AMER3: variants seen among roughly 807,000 people sequenced by gnomAD.
AMER3 encodes the protein APC membrane recruitment protein 3.
For synonymous variants in AMER3, 541 were observed against 485.5 expected (o/e 1.11, Z -1.50); for missense variants, 1,201 against 1,139.4 (o/e 1.05, Z -0.78).
rs1320567619 is a variant in AMER3, at chr2:130,763,524, A to G, written c.1452A>G (p.Leu484=). The change falls in exon 2 of 2, where the codon CTA becomes CTG. Residue 484 remains leucine (L), a synonymous_variant. Coordinates refer to ENST00000321420, the MANE Select transcript of AMER3 (RefSeq NM_152698.3). ...PGPDLLSQGF[L]QSSWKGKECL... ...CTGACCTGCTCAGCCAGGGCTTCCT[A>G]CAGAGCTCCTGGAAGGGCAAGGAGT... is the stretch of plus-strand genomic sequence containing the variant. 6.2e-7 allele frequency: 1 copy of G among 1,612,450 alleles called. No individual in the cohort carries two copies. The highest frequency in any genetic ancestry group is 8.5e-7 in the Non-Finnish European group (1 of 1,179,780).
rs756510229 is a variant in AMER3 at position 130,762,394 on chromosome 2, A to T, written c.322A>T (p.Thr108Ser). Residue 108 changes from threonine to serine, a missense_variant, in exon 2 of 2, where the codon ACA (threonine) becomes TCA (serine). Coordinates refer to ENST00000321420, the MANE Select transcript of AMER3 (RefSeq NM_152698.3). Reference protein sequence around the residue: ...MSGAGRATAATGQLVGSASFP... With the variant: ...MSGAGRATAASGQLVGSASFP... Reference sequence around the variant, plus strand: ...TGGGGCAGGCAGGGCCACGGCTGCCACAGGGCAGCTGGTGGGCAGTGCAAG... The same window carrying T: ...TGGGGCAGGCAGGGCCACGGCTGCCTCAGGGCAGCTGGTGGGCAGTGCAAG... 1 of 1,611,950 alleles carries T rather than the reference A, an allele frequency of 6.2e-7. No individual in the cohort carries two copies.
Position 130,765,959 on chromosome 2 carries a change from C to T in AMER3, c.*1301C>T, listed in dbSNP as rs1318176401. ...GTCGAGTTCACACCCAAAATGAAGTCCACAGGTCCACCCCTTGTCAACTTG... is the reference window on the plus strand; with the variant it reads ...GTCGAGTTCACACCCAAAATGAAGTTCACAGGTCCACCCCTTGTCAACTTG... On this transcript the variant is annotated 3_prime_UTR_variant, in exon 2 of 2. Transcript: ENST00000321420. 6.0e-6 allele frequency: 1 copy of T among 167,072 alleles called. No homozygotes were observed. The highest frequency in any genetic ancestry group is 2.4e-5 in the African/African-American group (1 of 41,438). The allele number at this position is 167,072 out of a possible 1,614,324, so 10.3% of individuals were successfully genotyped here. A position where few individuals can be genotyped will look rare whatever the true frequency, so the allele number is the denominator to read the frequency against.
In AMER3 at chr2:130,763,702, C is replaced by T; in HGVS notation, c.1630C>T (p.Leu544=). 1 of 1,552,322 alleles carries T rather than the reference C, an allele frequency of 6.4e-7. No individual in the cohort carries two copies. The part of the protein sequence containing the change: ...QGAPRAPTEK[L]GGREGLASDA... ...AGCCCCTAGGGCACCCACAGAGAAG[C>T]TGGGGGGCAGGGAGGGCCTGGCCTC... The change falls in exon 2 of 2, where the codon CTG becomes TTG. Residue 544 remains leucine, a synonymous_variant. Coordinates refer to ENST00000321420, the MANE Select transcript of AMER3 (RefSeq NM_152698.3).
chr2:130,764,758 G>A lies in AMER3; in HGVS notation c.*100G>A. 1 of 1,345,748 alleles carries A rather than the reference G, an allele frequency of 7.4e-7. No individual in the cohort carries two copies. Among genetic ancestry groups the A allele is most frequent in the Non-Finnish European group, 1.0e-6 (1 of 1,003,264 alleles). 83.4% of individuals were successfully genotyped at this position (1,345,748 alleles called of 1,614,324 possible). On this transcript the variant is annotated 3_prime_UTR_variant, in exon 2 of 2. Coordinates refer to ENST00000321420, the MANE Select transcript of AMER3 (RefSeq NM_152698.3). ...ATCTTTTGTCCCTGATGTGGGGACT[G>A]TGTTGGGGGTGGGGGGTGGCAGGAC...
At position 130,762,084 on chromosome 2, in the gene AMER3, G is replaced by A. The variant is rs766452593; in HGVS notation, c.12G>A (p.Lys4=). 1 of 1,610,760 alleles carries A rather than the reference G, an allele frequency of 6.2e-7. No homozygotes were observed. Among genetic ancestry groups the A allele is most frequent in the Non-Finnish European group, 8.5e-7 (1 of 1,179,108 alleles). The change falls in exon 2 of 2, where the codon AAG becomes AAA. Residue 4 remains lysine, a synonymous_variant. Transcript: ENST00000321420. MEL[K]RGKTFIKSSL... ...GGGGCACTGGCAGCATGGAGCTGAA[G>A]AGAGGAAAGACCTTCATCAAGTCCA...
intron 1 of AMER3, among the ~76,000 whole-genome samples, chr2:130,758,911 G>A (rs1678698605): frequency 1.3e-5 from 2 of 152,276 alleles, no homozygotes; most frequent in South Asian, 4.1e-4. Flanking sequence ...GACAAGGCCA[G>A]CATCTGGCTG....
In AMER3 at chr2:130,763,220, G is replaced by A; in HGVS notation, c.1148G>A (p.Ser383Asn). The A allele has an allele frequency of 6.2e-7, 1 of 1,613,858 alleles. No homozygotes were observed. The highest frequency in any genetic ancestry group is 8.5e-7 in the Non-Finnish European group (1 of 1,180,018). ...GAGCAGCCCGAATCCGTGTCCACAA[G>A]TGACGAGGGCTACTATGATTCCTTC... ...KSEQPESVSTSDEGYYDSFSP... is the reference protein window; with the variant it reads ...KSEQPESVSTNDEGYYDSFSP... Residue 383 changes from serine to asparagine, a missense_variant, in exon 2 of 2, where the codon AGT (serine) becomes AAT (asparagine). Physicochemically the swap from Ser to Asn is conservative, Grantham distance 46. Transcript: ENST00000321420.
Position 130,763,332 on chromosome 2 carries a change from C to A in AMER3, c.1260C>A (p.Asp420Glu), listed in dbSNP as rs113109165. The change falls in exon 2 of 2, where the codon GAC (aspartate) becomes GAA (glutamate). Residue 420 changes from aspartate to glutamate, a missense_variant. Physicochemically the swap from Asp to Glu is conservative, Grantham distance 45. Coordinates refer to ENST00000321420, the MANE Select transcript of AMER3 (RefSeq NM_152698.3). ...ATFPRDSYSG[D>E]ALYELFHDPS... ...TCCCACGGGACAGCTACAGTGGGGA[C>A]GCCCTCTACGAGCTCTTCCACGACC... The A allele has an allele frequency of 1.6e-5, 26 of 1,613,394 alleles. No homozygotes were observed. Among genetic ancestry groups the A allele is most frequent in the Non-Finnish European group, 8.5e-7 (1 of 1,180,042 alleles).
intron 1 of AMER3, among the ~76,000 whole-genome samples, chr2:130,760,002 G>T (rs923122224): frequency 6.6e-6 from 1 of 152,196 alleles, no homozygotes; most frequent in Non-Finnish European, 1.5e-5. Context: ...GAGCTTCGGA[G>T]GCCTTATCAC....
In AMER3 at chr2:130,767,571, C is replaced by T. The variant is rs1679019494; in HGVS notation, c.*2913C>T. ...CCTGAGGCCTGCTGCAAGCAGGACA[C>T]AGGCTGCACATCACAGGTTCCAAAG... is the stretch of plus-strand genomic sequence containing the variant. On this transcript the variant is annotated 3_prime_UTR_variant, in exon 2 of 2. Transcript: ENST00000321420. The T allele has an allele frequency of 6.0e-6, 1 of 166,976 alleles. No homozygotes were observed. Among genetic ancestry groups the T allele is most frequent in the South Asian group, 2.1e-4 (1 of 4,812 alleles). The allele number at this position is 166,976 out of a possible 1,614,324, so 10.3% of individuals were successfully genotyped here. A position where few individuals can be genotyped will look rare whatever the true frequency, so the allele number is the denominator to read the frequency against.
At chr2:130,758,739 GT>G (rs1553490531) in intron 1 of AMER3, among the ~76,000 whole-genome samples, 2 of 152,226 alleles carry the variant, frequency 1.3e-5, no homozygotes, top group Non-Finnish European at 2.9e-5. Context: ...GTAGGGACGG[GT>G]CTGAACCCTC....
At chr2:130,759,888 A>G (rs1678725928) in intron 1 of AMER3, among the ~76,000 whole-genome samples, 1 of 152,202 alleles carries the variant, frequency 6.6e-6, no homozygotes, top group South Asian at 2.1e-4. Flanking sequence ...GTTATGGGCC[A>G]AGCTGTCTGC....
At position 130,765,868 on chromosome 2, in the gene AMER3, C is replaced by G. The variant is rs373103562; in HGVS notation, c.*1210C>G. Reference sequence around the variant, plus strand: ...GCCCCTCAGATTCACACACTAATCTCTGGAAACACCTCACAGACATGCCCA... The same window carrying G: ...GCCCCTCAGATTCACACACTAATCTGTGGAAACACCTCACAGACATGCCCA... On this transcript the variant is annotated 3_prime_UTR_variant, in exon 2 of 2. Transcript: ENST00000321420. The G allele has an allele frequency of 2.4e-5, 4 of 167,178 alleles. No homozygotes were observed. Among genetic ancestry groups the G allele is most frequent in the Admixed American group, 6.5e-5 (1 of 15,306 alleles). 10.4% of individuals were successfully genotyped at this position (167,178 alleles called of 1,614,324 possible).
rs569684019 is a variant in AMER3, at chr2:130,756,834, G to T, written c.-20+1160G>T. On this transcript the variant is annotated intron_variant, in intron 1 of 1. Transcript: ENST00000321420. Reference sequence around the variant, plus strand: ...CATTCCCACCCCCACCCCAGAGCACGGTCGCTTTCCCTCCGCACAGTGGCC... The same window carrying T: ...CATTCCCACCCCCACCCCAGAGCACTGTCGCTTTCCCTCCGCACAGTGGCC... Among the ~76,000 whole-genome samples, 3 of 130,186 alleles carry T rather than the reference G, an allele frequency of 2.3e-5. No homozygotes were observed. In the East Asian group the frequency reaches 8.3e-4, roughly 36 times the overall value. 85.4% of individuals were successfully genotyped at this position (130,186 alleles called of 152,430 possible).
In AMER3 at chr2:130,763,174, G is replaced by A. The variant is rs760092504; in HGVS notation, c.1102G>A (p.Asp368Asn). The change falls in exon 2 of 2, where the codon GAC becomes AAC. Residue 368 changes from aspartate (D) to asparagine (N), a missense_variant. Asp to Asn is a conservative substitution (Grantham distance 23). Transcript: ENST00000321420. ...CAGCGGCTCCAAAGCCAGCTCCATCGACACAGGCACCCCCAAGAGCGAGCA... is the reference window on the plus strand; with the variant it reads ...CAGCGGCTCCAAAGCCAGCTCCATCAACACAGGCACCCCCAAGAGCGAGCA... ...PRSGSKASSI[D>N]TGTPKSEQPE... 7.4e-6 allele frequency: 12 copies of A among 1,613,482 alleles called. No individual in the cohort carries two copies. The highest frequency in any genetic ancestry group is 2.7e-5 in the African/African-American group (2 of 74,906).
rs1231592995 is a variant in AMER3 at position 130,764,213 on chromosome 2, C to T, written c.2141C>T (p.Pro714Leu). ...TTTGGGCAGCGCTGGGCCAGGGGCCCTGACATGCTGGAGCAGAAACAGTCC... is the reference window on the plus strand; with the variant it reads ...TTTGGGCAGCGCTGGGCCAGGGGCCTTGACATGCTGGAGCAGAAACAGTCC... ...GLFGQRWARG[P>L]DMLEQKQSSS... Residue 714 changes from proline (P) to leucine (L), a missense_variant, in exon 2 of 2, where the codon CCT becomes CTT. Transcript: ENST00000321420. The T allele has an allele frequency of 1.7e-5, 27 of 1,609,286 alleles. No homozygotes were observed. The highest frequency in any genetic ancestry group is 2.3e-5 in the Non-Finnish European group (27 of 1,177,812).
Position 130,766,237 on chromosome 2 carries a change from G to C in AMER3, c.*1579G>C, listed in dbSNP as rs974875531. ...GTGAGGCTCAGGGTGGGAGACGGGT[G>C]GGGGAGCCGACCTTAGGAGGGCCCA... is the stretch of plus-strand genomic sequence containing the variant. On this transcript the variant is annotated 3_prime_UTR_variant, in exon 2 of 2. Transcript: ENST00000321420. The C allele has an allele frequency of 2.4e-5, 4 of 166,960 alleles. No individual in the cohort carries two copies. Among genetic ancestry groups the C allele is most frequent in the African/African-American group, 7.2e-5 (3 of 41,438 alleles). The allele number at this position is 166,960 out of a possible 1,614,324, so 10.3% of individuals were successfully genotyped here.
rs749575852 is a variant in AMER3 at position 130,763,300 on chromosome 2, G to A, written c.1228G>A (p.Ala410Thr). The part of the protein sequence containing the change: ...KEAESPGTPA[A>T]TFPRDSYSGD... ...AGCTGAGAGCCCAGGCACTCCTGCC[G>A]CCACCTTCCCACGGGACAGCTACAG... is the stretch of plus-strand genomic sequence containing the variant. The change falls in exon 2 of 2, where the codon GCC becomes ACC. Residue 410 changes from alanine to threonine, a missense_variant. Coordinates refer to ENST00000321420, the MANE Select transcript of AMER3 (RefSeq NM_152698.3). 4.3e-5 allele frequency: 70 copies of A among 1,613,592 alleles called. No individual in the cohort carries two copies. Among genetic ancestry groups the A allele is most frequent in the Admixed American group, 6.7e-5 (4 of 60,000 alleles).
rs182938334 is a variant in AMER3, at chr2:130,760,056, G to A, written c.-19-1998G>A. On this transcript the variant is annotated intron_variant, in intron 1 of 1. Transcript: ENST00000321420. ...AGAGTAGAAAGTCTGCAGGTGCAGG[G>A]TGGGAAAGACTTAGGCATACACCAT... Among the ~76,000 whole-genome samples the A allele has an allele frequency of 3.3e-4, 51 of 152,332 alleles. No homozygotes were observed. In the South Asian group the frequency reaches 0.011, roughly 32 times the overall value.
Sources: gnomAD v4.1 joint callset for allele counts (sites outside exome capture counted in the v4.1 genomes callset) on GRCh38, gnomAD v4.1.1 for gene constraint, MANE v1.5 for transcripts, NCBI Gene and HGNC (gene_info 2026-07-23, HGNC 2026-07-21) for gene names.